Variants in CLASP2 observed in about 807,000 individuals in gnomAD.
The protein encoded by CLASP2 is CLIP-associating protein 2.
In CLASP2, 47 loss-of-function variants were observed where a neutral mutation model predicts 194.4. The observed-to-expected ratio is 0.24, with a 90% CI of 0.19 to 0.31. The LOEUF is 0.31. Ranked by LOEUF, CLASP2 falls within the 10% of genes least tolerant of loss-of-function variation. The pLI is 1.00. For synonymous variants in CLASP2, 619 were observed against 633.5 expected (o/e 0.98, Z 0.34); for missense variants, 1,445 against 1,823.6 (o/e 0.79, Z 3.78).
chr3:33,613,611 T>C (rs1341638637), intron 12 of CLASP2, among the ~76,000 whole-genome samples: 1 of 152,246 alleles, frequency 6.6e-6, no homozygotes, highest in Non-Finnish European at 1.5e-5. Context: ...TCTATAGACT[T>C]GAAGCTGTTG....
At chr3:33,695,167 A>C (rs2091747442) in intron 2 of CLASP2, among the ~76,000 whole-genome samples, 1 of 149,366 alleles carries the variant, frequency 6.7e-6, no homozygotes, top group East Asian at 2.0e-4. Flanking sequence ...CCAACCTCCC[A>C]TCTCAGCCTT....
chr3:33,538,670 T>C, intron 33 of CLASP2, 119 bp downstream of exon 33: 1 of 803,772 alleles, frequency 1.2e-6, no homozygotes, highest in South Asian at 2.4e-5. Flanking sequence ...AGTAAATACT[T>C]GTAGAGTGAC....
rs9852472 is a variant in CLASP2 at position 33,567,644 on chromosome 3, T to C, written c.2764-910A>G. On this transcript the variant is annotated intron_variant, in intron 26 of 38. Coordinates refer to ENST00000682230, the MANE Select transcript of CLASP2 (RefSeq NM_001365631.1). ...TTTTTAAAAAACGTATATATGGTACTTGGTATGTTCTAAGGGTTTACATGA... is the reference window on the plus strand; with the variant it reads ...TTTTTAAAAAACGTATATATGGTACCTGGTATGTTCTAAGGGTTTACATGA... Among the ~76,000 whole-genome samples the C allele has an allele frequency of 5.2e-3, 786 of 152,308 alleles. 10 individuals carry two copies. The highest frequency in any genetic ancestry group is 0.018 in the African/African-American group (766 of 41,564).
In CLASP2 at chr3:33,706,857, T is replaced by A. The variant is rs538581306; in HGVS notation, c.196-9924A>T. Among the ~76,000 whole-genome samples, 22 of 152,096 alleles carry A rather than the reference T, an allele frequency of 1.4e-4. 1 individual carries two copies. In the South Asian group the frequency reaches 4.4e-3, roughly 30 times the overall value. Reference sequence around the variant, plus strand: ...GTGTGCGCCTGTAGTCCCAGCTAGTTGGGAGGCTGACATAAGAGCACTGCT... The same window carrying A: ...GTGTGCGCCTGTAGTCCCAGCTAGTAGGGAGGCTGACATAAGAGCACTGCT... On this transcript the variant is annotated intron_variant, in intron 1 of 38. Transcript: ENST00000682230.
At chr3:33,677,722 TA>T (rs1019729531) in intron 6 of CLASP2, among the ~76,000 whole-genome samples, 3 of 137,992 alleles carry the variant, frequency 2.2e-5, no homozygotes, top group Non-Finnish European at 4.8e-5. Flanking sequence ...AAATAAAAAA[TA>T]AAAAAAAATG....
At chr3:33,701,021 G>A (rs777337655) in intron 1 of CLASP2, among the ~76,000 whole-genome samples, 9 of 152,136 alleles carry the variant, frequency 5.9e-5, no homozygotes, top group Non-Finnish European at 1.0e-4. Flanking sequence ...GCTAATGAAA[G>A]TGATAGAAAA....
chr3:33,665,217 A>G (rs561139993), intron 6 of CLASP2, among the ~76,000 whole-genome samples: 9 of 152,330 alleles, frequency 5.9e-5, no homozygotes, highest in South Asian at 2.1e-4. Flanking sequence ...AACAGGAGTA[A>G]AAACTTTAGG....
intron 4 of CLASP2, among the ~76,000 whole-genome samples, chr3:33,687,561 A>C (rs545201074): frequency 6.6e-6 from 1 of 152,346 alleles, no homozygotes; most frequent in African/African-American, 2.4e-5. Context: ...AGGAGAGCCA[A>C]AACCCAGCAC....
At chr3:33,611,311 A>T (rs1006415606) in intron 13 of CLASP2, among the ~76,000 whole-genome samples, 4 of 152,168 alleles carry the variant, frequency 2.6e-5, no homozygotes, top group African/African-American at 9.7e-5. Context: ...CCTCAAAATG[A>T]TTATGTAATC....
intron 21 of CLASP2, among the ~76,000 whole-genome samples, chr3:33,588,382 A>G (rs764163706): frequency 2.6e-5 from 4 of 152,240 alleles, no homozygotes. Context: ...AAAACTTGAC[A>G]TCGAACACCT....
At chr3:33,578,893 T>C (rs1197567111) in intron 23 of CLASP2, among the ~76,000 whole-genome samples, 1 of 152,236 alleles carries the variant, frequency 6.6e-6, no homozygotes, top group Non-Finnish European at 1.5e-5. Context: ...CTCTAATTTA[T>C]TTCTGATGCT....
chr3:33,619,721 A>G lies in CLASP2; in HGVS notation c.1199T>C (p.Leu400Ser). The part of the protein sequence containing the change: ...CITVAHLSTV[L>S]GNKFDHGAEA... Reference sequence around the variant, plus strand: ...AGCGCCATGATCAAACTTGTTTCCCAAAACTGTTGAAAGGTGGCTACAAAG... The same window carrying G: ...AGCGCCATGATCAAACTTGTTTCCCGAAACTGTTGAAAGGTGGCTACAAAG... The change falls in exon 12 of 39, where the codon TTG becomes TCG. Residue 400 changes from leucine to serine, a missense_variant. Leu to Ser is a moderately radical substitution (Grantham distance 145). Transcript: ENST00000682230. 6.3e-7 allele frequency: 1 copy of G among 1,588,084 alleles called. No homozygotes were observed.
chr3:33,670,153 G>A (rs1361642455), intron 6 of CLASP2, among the ~76,000 whole-genome samples: 1 of 151,908 alleles, frequency 6.6e-6, no homozygotes, highest in African/African-American at 2.4e-5. Flanking sequence ...AATTTTAACA[G>A]AAAGAAGTCA....
chr3:33,667,798 C>G (rs1045036101), intron 6 of CLASP2, among the ~76,000 whole-genome samples: 2 of 151,962 alleles, frequency 1.3e-5, no homozygotes, highest in Non-Finnish European at 2.9e-5. Context: ...ATCAACAGAC[C>G]AAAAATATGA....
At chr3:33,632,222 G>C in intron 9 of CLASP2, 70 bp downstream of exon 9, 1 of 947,478 alleles carries the variant, frequency 1.1e-6, no homozygotes, top group Non-Finnish European at 1.5e-6. Flanking sequence ...CTTAAAAAGG[G>C]ACAGAGACAA....
chr3:33,644,699 T>A, intron 8 of CLASP2, 58 bp downstream of exon 8: 4 of 1,577,538 alleles, frequency 2.5e-6, no homozygotes, highest in Non-Finnish European at 2.6e-6. Context: ...TCCAAGTATG[T>A]GTGGCCATAT....
At chr3:33,604,320 CTT>C (rs199958865) in intron 16 of CLASP2, 111 bp from the exon 17 acceptor site, 10,378 of 545,894 alleles carry the variant, frequency 0.019, no homozygotes, top group Middle Eastern at 0.028. Flanking sequence ...TTTCTTTTTT[CTT>C]TTTTTTTTTT....
chr3:33,651,213 T>C (rs1230829310), intron 7 of CLASP2, among the ~76,000 whole-genome samples: 1 of 152,008 alleles, frequency 6.6e-6, no homozygotes, highest in Non-Finnish European at 1.5e-5. Flanking sequence ...TGAAACCTCA[T>C]CTCTACAAAA....
chr3:33,678,238 T>C (rs538909275), intron 6 of CLASP2, among the ~76,000 whole-genome samples: 1 of 152,136 alleles, frequency 6.6e-6, no homozygotes, highest in South Asian at 2.1e-4. Context: ...CCCAAATTAA[T>C]GCCAGATACC....
Sources: allele counts gnomAD v4.1 joint callset (sites outside exome capture counted in the v4.1 genomes callset), GRCh38; gene constraint gnomAD v4.1.1; transcripts MANE v1.5; gene names NCBI Gene and HGNC (gene_info 2026-07-23, HGNC 2026-07-21).